PDE1A: variants seen among roughly 807,000 people sequenced by gnomAD.
PDE1A encodes the protein dual specificity calcium/calmodulin-dependent 3',5'-cyclic nucleotide phosphodiesterase 1A.
A neutral mutation model predicts 61.7 loss-of-function variants in PDE1A; 35 were observed. The ratio of observed to expected loss-of-function variants is 0.57; its 90% CI spans 0.43 to 0.75. The LOEUF is 0.75. PDE1A is among the 30% of genes least tolerant of loss of function. PDE1A has a pLI of 0.00. For missense variants in PDE1A, 597 were observed against 630.6 expected, an observed-to-expected ratio of 0.95 and a Z score of 0.57; for synonymous variants, 232 against 213.2, an observed-to-expected ratio of 1.09 and a Z score of -0.77.
At chr2:182,260,473 T>C (rs1692144030) in intron 2 of PDE1A, among the ~76,000 whole-genome samples, 1 of 152,156 alleles carries the variant, frequency 6.6e-6, no homozygotes, top group South Asian at 2.1e-4. Context: ...TCTTACTAAG[T>C]ATATAGAAAA....
intron 1 of PDE1A, among the ~76,000 whole-genome samples, chr2:182,370,419 G>A (rs1297397475): frequency 6.6e-6 from 1 of 152,124 alleles, no homozygotes; most frequent in Non-Finnish European, 1.5e-5. Flanking sequence ...GACAGTTGGT[G>A]AGAGAATGTG....
chr2:182,671,399 A>C, the PDE1A span, among the ~76,000 whole-genome samples: 12 of 129,298 alleles, frequency 9.3e-5, no homozygotes, highest in African/African-American at 3.6e-4. Flanking sequence ...CGCATTAGCT[A>C]GGATGGTCTC....
At chr2:182,646,444 C>A in the PDE1A span, among the ~76,000 whole-genome samples, 1 of 146,368 alleles carries the variant, frequency 6.8e-6, no homozygotes, top group Admixed American at 6.8e-5. Flanking sequence ...AATCCCAGTA[C>A]TTTGGGAGGC....
chr2:182,258,576 A>G (rs542252959), intron 2 of PDE1A, among the ~76,000 whole-genome samples: 1 of 152,344 alleles, frequency 6.6e-6, no homozygotes, highest in South Asian at 2.1e-4. Flanking sequence ...ATATCTCTAA[A>G]TGGCACTATA....
At chr2:182,445,086 C>T (rs751090555) in intron 2 of PDE1A, among the ~76,000 whole-genome samples, 4 of 152,034 alleles carry the variant, frequency 2.6e-5, no homozygotes, top group Admixed American at 6.6e-5. Flanking sequence ...GCATTCAGTG[C>T]GACTAAATGA....
intron 1 of PDE1A, among the ~76,000 whole-genome samples, chr2:182,375,309 G>C (rs796625059): frequency 4.6e-5 from 7 of 152,308 alleles, no homozygotes; most frequent in African/African-American, 9.6e-5. Context: ...CCAACTTTGA[G>C]CCTGTAAAAT....
the PDE1A span, among the ~76,000 whole-genome samples, chr2:182,643,887 T>G: frequency 6.6e-6 from 1 of 152,136 alleles, no homozygotes; most frequent in Non-Finnish European, 1.5e-5. Context: ...AAGCTGCTTA[T>G]GTGGATGGCT....
chr2:182,624,891 C>T, the PDE1A span, among the ~76,000 whole-genome samples: 1 of 152,144 alleles, frequency 6.6e-6, no homozygotes, highest in Non-Finnish European at 1.5e-5. Context: ...TCTTTCCATA[C>T]TTCAGCTGCC....
chr2:182,575,236 G>T, the PDE1A span, among the ~76,000 whole-genome samples: 16 of 152,074 alleles, frequency 1.1e-4, no homozygotes, highest in Admixed American at 1.0e-3. Flanking sequence ...TAATCACAGA[G>T]TATGATAATA....
chr2:182,707,198 A>T, the PDE1A span, among the ~76,000 whole-genome samples: 1 of 152,240 alleles, frequency 6.6e-6, no homozygotes, highest in South Asian at 2.1e-4. Flanking sequence ...TATACCAGAA[A>T]AGAAGAAATA....
chr2:182,442,551 AT>A (rs1210894341), intron 2 of PDE1A, among the ~76,000 whole-genome samples: 3 of 152,090 alleles, frequency 2.0e-5, no homozygotes, highest in Admixed American at 2.0e-4. Context: ...AATTATATGC[AT>A]TGTGTAATAC....
the PDE1A span, among the ~76,000 whole-genome samples, chr2:182,539,181 G>T: frequency 1.3e-5 from 2 of 152,110 alleles, no homozygotes; most frequent in East Asian, 3.9e-4. Flanking sequence ...GTTTCATAGA[G>T]ATAGGGTTTC....
At chr2:182,618,790 A>G in the PDE1A span, among the ~76,000 whole-genome samples, 8 of 152,218 alleles carry the variant, frequency 5.3e-5, no homozygotes, top group Non-Finnish European at 1.2e-4. Flanking sequence ...TTCATGAGGC[A>G]GAGACTTTTA....
intron 13 of PDE1A, among the ~76,000 whole-genome samples, chr2:182,179,794 G>C (rs1172701511): frequency 1.3e-5 from 2 of 152,098 alleles, no homozygotes; most frequent in African/African-American, 4.8e-5. Context: ...GGATACATCA[G>C]CAATGGAAAC....
intron 13 of PDE1A, among the ~76,000 whole-genome samples, chr2:182,172,650 T>C (rs143740863): frequency 1.6e-4 from 24 of 152,164 alleles, no homozygotes; most frequent in African/African-American, 5.8e-4. Context: ...AGGTAGAATA[T>C]GATAAGCAGT....
the PDE1A span, among the ~76,000 whole-genome samples, chr2:182,558,402 T>A: frequency 6.6e-6 from 1 of 152,152 alleles, no homozygotes; most frequent in Non-Finnish European, 1.5e-5. Flanking sequence ...TATTAATGGC[T>A]ACTCCATATC....
At chr2:182,570,167 T>G in the PDE1A span, among the ~76,000 whole-genome samples, 6 of 152,026 alleles carry the variant, frequency 3.9e-5, no homozygotes, top group Non-Finnish European at 8.8e-5. Flanking sequence ...GGAGATAAAA[T>G]GTTAGTAAAA....
chr2:182,468,143 A>T (rs973443270), intron 2 of PDE1A, among the ~76,000 whole-genome samples: 5 of 151,926 alleles, frequency 3.3e-5, no homozygotes, highest in Admixed American at 2.0e-4. Flanking sequence ...TTCATAAAAT[A>T]AGACAAGAAT....
the PDE1A span, among the ~76,000 whole-genome samples, chr2:182,623,764 T>C: frequency 1.3e-5 from 2 of 152,184 alleles, no homozygotes; most frequent in African/African-American, 4.8e-5. Context: ...TACGTTATTA[T>C]TTAATGAAAC....
Sources: allele counts gnomAD v4.1 joint callset (sites outside exome capture counted in the v4.1 genomes callset), GRCh38; gene constraint gnomAD v4.1.1; transcripts MANE v1.5; gene names NCBI Gene and HGNC (gene_info 2026-07-23, HGNC 2026-07-21).